Variants in PHF24 observed in about 807,000 individuals in gnomAD.
PHF24 encodes the protein Galpha inhibitory interacting protein.
Under a neutral mutation model 42.6 loss-of-function variants are expected in PHF24, and 25 were observed. That is an observed-to-expected ratio of 0.59 (90% confidence interval 0.43 to 0.82). PHF24 has a LOEUF of 0.82. Ranked by LOEUF, PHF24 falls within the 40% of genes least tolerant of loss-of-function variation. The probability of loss-of-function intolerance (pLI) is 0.00; values close to 1 mark genes in which losing one functional copy is unlikely to be tolerated. For missense variants in PHF24, 470 were observed against 538.1 expected, an observed-to-expected ratio of 0.87 and a Z score of 1.25; for synonymous variants, 185 against 204.8, an observed-to-expected ratio of 0.90 and a Z score of 0.83.
At chr9:34,696,851 A>G in the PHF24 span, among the ~76,000 whole-genome samples, 1 of 152,180 alleles carries the variant, frequency 6.6e-6, no homozygotes, top group African/African-American at 2.4e-5. Context: ...GGCAAAAGGC[A>G]TGCCTTTTTC....
At chr9:34,867,351 T>C in the PHF24 span, among the ~76,000 whole-genome samples, 1 of 152,246 alleles carries the variant, frequency 6.6e-6, no homozygotes, top group Non-Finnish European at 1.5e-5. Context: ...AAACATTTGC[T>C]GAGTGTAGCC....
the PHF24 span, chr9:34,917,663 T>C: frequency 2.6e-6 from 2 of 779,974 alleles, no homozygotes; most frequent in Admixed American, 1.7e-5. Flanking sequence ...TCCATATTAC[T>C]GCAGTGTGGG....
At chr9:34,804,942 T>C in the PHF24 span, among the ~76,000 whole-genome samples, 2 of 152,266 alleles carry the variant, frequency 1.3e-5, no homozygotes, top group Non-Finnish European at 2.9e-5. Context: ...TTCTGGACTT[T>C]CATATTAATG....
the PHF24 span, among the ~76,000 whole-genome samples, chr9:34,929,079 C>T: frequency 6.6e-6 from 1 of 152,146 alleles, no homozygotes; most frequent in African/African-American, 2.4e-5. Flanking sequence ...AAACATAGAG[C>T]TTCTCTGAGG....
At chr9:34,683,927 C>T in the PHF24 span, among the ~76,000 whole-genome samples, 6 of 152,156 alleles carry the variant, frequency 3.9e-5, no homozygotes, top group Admixed American at 2.0e-4. Flanking sequence ...CACTTGGCAT[C>T]GCCTTTTGGT....
At chr9:34,816,650 C>T in the PHF24 span, among the ~76,000 whole-genome samples, 1 of 152,130 alleles carries the variant, frequency 6.6e-6, no homozygotes, top group Non-Finnish European at 1.5e-5. Context: ...GGCACCAATC[C>T]CATTCATGAG....
At chr9:34,827,846 A>C in the PHF24 span, among the ~76,000 whole-genome samples, 1 of 152,096 alleles carries the variant, frequency 6.6e-6, no homozygotes, top group East Asian at 1.9e-4. Flanking sequence ...CTCACTGAGC[A>C]CTGGGATGCC....
the PHF24 span, among the ~76,000 whole-genome samples, chr9:34,879,441 A>G: frequency 6.6e-6 from 1 of 152,198 alleles, no homozygotes; most frequent in Admixed American, 6.5e-5. Context: ...ATTCGAACCC[A>G]TCACAAAGAA....
At chr9:34,853,458 A>G in the PHF24 span, among the ~76,000 whole-genome samples, 1 of 152,176 alleles carries the variant, frequency 6.6e-6, no homozygotes, top group Non-Finnish European at 1.5e-5. Flanking sequence ...TTTTGGTATC[A>G]GGATGGTGAT....
At chr9:34,728,703 T>C in the PHF24 span, 2 of 1,518,620 alleles carry the variant, frequency 1.3e-6, no homozygotes, top group East Asian at 4.9e-5. Context: ...CCATTTTCTT[T>C]CTCATGTCCA....
chr9:34,710,360 C>T, the PHF24 span, among the ~76,000 whole-genome samples: 2 of 152,200 alleles, frequency 1.3e-5, no homozygotes, highest in African/African-American at 4.8e-5. Flanking sequence ...TTCATGCAGG[C>T]CTCACTGCCT....
the PHF24 span, among the ~76,000 whole-genome samples, chr9:34,898,879 A>AC: frequency 1.3e-5 from 2 of 152,306 alleles, no homozygotes; most frequent in South Asian, 4.1e-4. Flanking sequence ...CCAAGCCATT[A>AC]AAACCATCTA....
the PHF24 span, among the ~76,000 whole-genome samples, chr9:34,671,178 C>T: frequency 9.9e-5 from 15 of 152,266 alleles, no homozygotes; most frequent in Admixed American, 9.2e-4. Context: ...CCGTGGCCTC[C>T]CTATCCTGGG....
chr9:34,681,677 G>C, the PHF24 span, among the ~76,000 whole-genome samples: 1 of 152,312 alleles, frequency 6.6e-6, no homozygotes, highest in African/African-American at 2.4e-5. Context: ...TGGGTGTGGT[G>C]GTGTGTACCT....
the PHF24 span, among the ~76,000 whole-genome samples, chr9:34,854,947 A>T: frequency 6.6e-6 from 1 of 152,098 alleles, no homozygotes; most frequent in Non-Finnish European, 1.5e-5. Flanking sequence ...TTGTTTTGTG[A>T]ATTTGAGTGC....
the PHF24 span, among the ~76,000 whole-genome samples, chr9:34,946,025 C>G: frequency 6.6e-6 from 1 of 152,146 alleles, no homozygotes; most frequent in African/African-American, 2.4e-5. Flanking sequence ...AAAGTGTGGC[C>G]TTTAGTGCAA....
the PHF24 span, among the ~76,000 whole-genome samples, chr9:34,779,424 C>T: frequency 4.1e-4 from 62 of 152,224 alleles, no homozygotes; most frequent in African/African-American, 9.6e-4. Context: ...ATTGTTAAGA[C>T]GGCAATGCTC....
chr9:34,907,025 C>T, the PHF24 span, among the ~76,000 whole-genome samples: 3 of 152,172 alleles, frequency 2.0e-5, no homozygotes, highest in Non-Finnish European at 1.5e-5. Flanking sequence ...AGGTTGTCTA[C>T]TATATTGCCC....
chr9:34,922,314 A>G, the PHF24 span: 22 of 1,590,804 alleles, frequency 1.4e-5, no homozygotes, highest in East Asian at 2.2e-5. Flanking sequence ...TAATGTATCA[A>G]GTTCAGCAAT....
Sources: gnomAD v4.1 joint callset for allele counts (sites outside exome capture counted in the v4.1 genomes callset) on GRCh38, gnomAD v4.1.1 for gene constraint, MANE v1.5 for transcripts, NCBI Gene and HGNC (gene_info 2026-07-23, HGNC 2026-07-21) for gene names.